JOSD1: variants seen among roughly 807,000 people sequenced by gnomAD.
The protein encoded by JOSD1 is Josephin domain containing 1.
JOSD1 carries 11 observed loss-of-function variants against 24.3 expected under a neutral mutation model. That is an observed-to-expected ratio of 0.45 (90% CI 0.29 to 0.75). The LOEUF is 0.75. Ranked by LOEUF, JOSD1 falls within the 30% of genes least tolerant of loss-of-function variation. The pLI is 0.11. For synonymous variants in JOSD1, 106 were observed against 93.8 expected (o/e 1.13, Z -0.75); for missense variants, 184 against 253.5 (o/e 0.73, Z 1.86).
intron 4 of JOSD1, 38 bp from the exon 5 acceptor site, chr22:38,688,039 A>C (rs576675268): frequency 6.6e-7 from 1 of 1,505,340 alleles, no homozygotes; most frequent in Non-Finnish European, 9.2e-7. Flanking sequence ...AATGCTGGCA[A>C]GTTGCAAATT....
At position 38,700,608 on chromosome 22, in the gene JOSD1, T is replaced by C. The variant is rs1309908732; in HGVS notation, c.-621A>G. On this transcript the variant is annotated 5_prime_UTR_variant, in exon 2 of 5. Coordinates refer to ENST00000683374, the MANE Select transcript of JOSD1 (RefSeq NM_001360236.2). ...TCGGAAGGCGCGGATTCTAGCCCTCTGGCCGCGGCCCTGCGGAGGAGGAGA... is the reference window on the plus strand; with the variant it reads ...TCGGAAGGCGCGGATTCTAGCCCTCCGGCCGCGGCCCTGCGGAGGAGGAGA... 6 of 984,956 alleles carry C rather than the reference T, an allele frequency of 6.1e-6. No individual in the cohort carries two copies. Among genetic ancestry groups the C allele is most frequent in the Admixed American group, 1.2e-4 (2 of 16,250 alleles). 61.0% of individuals were successfully genotyped at this position (984,956 alleles called of 1,614,324 possible).
At chr22:38,695,402 CATTAG>C in intron 2 of JOSD1, among the ~76,000 whole-genome samples, 1 of 150,460 alleles carries the variant, frequency 6.6e-6, no homozygotes, top group East Asian at 2.0e-4. Context: ...TTCCAACTTT[CATTAG>C]ATTTTTTTCC....
intron 2 of JOSD1, among the ~76,000 whole-genome samples, chr22:38,695,525 G>A (rs971648953): frequency 6.8e-6 from 1 of 147,550 alleles, no homozygotes; most frequent in African/African-American, 2.5e-5. Flanking sequence ...ATGGCTCACT[G>A]CAGCCTCGAC....
chr22:38,688,419 C>T (rs980156535), intron 4 of JOSD1, among the ~76,000 whole-genome samples: 19 of 152,124 alleles, frequency 1.2e-4, no homozygotes, highest in African/African-American at 2.2e-4. Flanking sequence ...TCCGCCACCA[C>T]GCCTGGCTAA....
In JOSD1 at chr22:38,694,896, G is replaced by A. The variant is rs1053127902; in HGVS notation, c.185+4907C>T. On this transcript the variant is annotated intron_variant, in intron 2 of 4. Transcript: ENST00000683374. Reference sequence around the variant, plus strand: ...AAAAAAAAAAAAAAAGTGAAAAGACGGGTTCTAGTCCAGGTCTCCCCACTG... The same window carrying A: ...AAAAAAAAAAAAAAAGTGAAAAGACAGGTTCTAGTCCAGGTCTCCCCACTG... Among the ~76,000 whole-genome samples, 3 of 151,130 alleles carry A rather than the reference G, an allele frequency of 2.0e-5. No individual in the cohort carries two copies. In the East Asian group the frequency reaches 5.8e-4, roughly 29 times the overall value.
chr22:38,687,773 T>C lies in JOSD1; in HGVS notation c.*129A>G. The C allele has an allele frequency of 1.5e-6, 1 of 659,160 alleles. No homozygotes were observed. The highest frequency in any genetic ancestry group is 1.8e-5 in the South Asian group (1 of 55,550). The allele number at this position is 659,160 out of a possible 1,614,324, so 40.8% of individuals were successfully genotyped here. A position where few individuals can be genotyped will look rare whatever the true frequency, so the allele number is the denominator to read the frequency against. On this transcript the variant is annotated 3_prime_UTR_variant, in exon 5 of 5. Transcript: ENST00000683374. ...AGTCCACACGTCTGTCCTATTGCAC[T>C]GTCAGATCTGAAGGGGAAAAACTTG...
At chr22:38,697,847 A>G (rs1181345008) in intron 2 of JOSD1, among the ~76,000 whole-genome samples, 1 of 152,262 alleles carries the variant, frequency 6.6e-6, no homozygotes, top group African/African-American at 2.4e-5. Flanking sequence ...TAGTGATCCT[A>G]TCATTATTCC....
intron 4 of JOSD1, among the ~76,000 whole-genome samples, chr22:38,688,533 G>C: frequency 6.6e-6 from 1 of 152,236 alleles, no homozygotes; most frequent in Non-Finnish European, 1.5e-5. Context: ...AAAGTGCTGA[G>C]ATTACAGGCG....
In JOSD1 at chr22:38,691,691, CAG is replaced by C. The variant is rs747344373; in HGVS notation, c.186-2269_186-2268del. Among the ~76,000 whole-genome samples, 72 of 152,068 alleles carry C rather than the reference CAG, an allele frequency of 4.7e-4. 1 individual carries two copies. The highest frequency in any genetic ancestry group is 2.4e-3 in the Admixed American group (36 of 15,258). ...GCCTTTTCTTTTTCTTTTTTTGAGA[CAG>C]AGTCTGGCTCTGTCGCCCAGGCTGG... On this transcript the variant is annotated intron_variant, in intron 2 of 4. Coordinates refer to ENST00000683374, the MANE Select transcript of JOSD1 (RefSeq NM_001360236.2).
chr22:38,692,933 A>C (rs1011803009), intron 2 of JOSD1, among the ~76,000 whole-genome samples: 1 of 152,152 alleles, frequency 6.6e-6, no homozygotes, highest in Admixed American at 6.6e-5. Context: ...GGCTCCAACA[A>C]GGAAAATGCT....
At chr22:38,690,789 G>A (rs2092518386) in intron 2 of JOSD1, among the ~76,000 whole-genome samples, 2 of 152,086 alleles carry the variant, frequency 1.3e-5, no homozygotes, top group Non-Finnish European at 2.9e-5. Context: ...GGGAGGCTGA[G>A]GTGGGCAGAT....
chr22:38,696,354 C>CA (rs1491543426), intron 2 of JOSD1, among the ~76,000 whole-genome samples: 2 of 151,916 alleles, frequency 1.3e-5, no homozygotes, highest in Non-Finnish European at 2.9e-5. Context: ...TCTCCTGCCT[C>CA]AGTTTCCCGA....
intron 2 of JOSD1, among the ~76,000 whole-genome samples, chr22:38,696,916 C>T (rs1266183220): frequency 6.6e-6 from 1 of 152,198 alleles, no homozygotes; most frequent in Non-Finnish European, 1.5e-5. Context: ...ACAAATAGTG[C>T]TTATCAACAT....
At chr22:38,690,628 A>G (rs898806344) in intron 2 of JOSD1, among the ~76,000 whole-genome samples, 158 of 152,090 alleles carry the variant, frequency 1.0e-3, no homozygotes, top group African/African-American at 3.6e-3. Context: ...GTTGGTCTCG[A>G]ACTCCTAACC....
In JOSD1 at chr22:38,694,735, G is replaced by A. The variant is rs572247339; in HGVS notation, c.185+5068C>T. 2.2e-4 allele frequency among the ~76,000 whole-genome samples: 33 copies of A among 151,998 alleles called. 1 individual carries two copies. The South Asian group carries it at 5.8e-3, about 27-fold the overall frequency. ...AAAGTAGCCGGGCGTGGTGGTGGGC[G>A]CCTGTAGTTCCAGCTACTTGGGAGG... On this transcript the variant is annotated intron_variant, in intron 2 of 4. Coordinates refer to ENST00000683374, the MANE Select transcript of JOSD1 (RefSeq NM_001360236.2).
intron 2 of JOSD1, among the ~76,000 whole-genome samples, chr22:38,699,594 C>G (rs563991451): frequency 6.6e-6 from 1 of 152,290 alleles, no homozygotes; most frequent in East Asian, 1.9e-4. Flanking sequence ...CTCAAGAAAA[C>G]ACAGCTGAGG....
At chr22:38,697,766 T>C (rs1049556592) in intron 2 of JOSD1, among the ~76,000 whole-genome samples, 2 of 152,252 alleles carry the variant, frequency 1.3e-5, no homozygotes, top group Non-Finnish European at 2.9e-5. Flanking sequence ...TCTTGGAAGA[T>C]CAGTGTGAGG....
chr22:38,687,732 GAGT>G lies in JOSD1; in HGVS notation c.*167_*169del. 1.7e-6 allele frequency: 1 copy of G among 590,558 alleles called. No homozygotes were observed. 36.6% of individuals were successfully genotyped at this position (590,558 alleles called of 1,614,324 possible). Reference sequence around the variant, plus strand: ...CTTCCTTGCCCAGGAACAAAACACTGAGTAGTTCTTATAACAGTCCACACGTCT... The same window carrying G: ...CTTCCTTGCCCAGGAACAAAACACTGAGTTCTTATAACAGTCCACACGTCT... On this transcript the variant is annotated 3_prime_UTR_variant, in exon 5 of 5. Transcript: ENST00000683374.
intron 2 of JOSD1, among the ~76,000 whole-genome samples, chr22:38,695,245 C>T (rs1299463789): frequency 3.3e-5 from 5 of 152,230 alleles, no homozygotes; most frequent in South Asian, 2.1e-4. Flanking sequence ...TAATACTTAA[C>T]AACAACTTTT....
Sources: gnomAD v4.1 joint callset for allele counts (sites outside exome capture counted in the v4.1 genomes callset) on GRCh38, gnomAD v4.1.1 for gene constraint, MANE v1.5 for transcripts, NCBI Gene and HGNC (gene_info 2026-07-23, HGNC 2026-07-21) for gene names.